The following RET variants were observed in gnomAD, a reference collection of about 807,000 sequenced individuals.
RET encodes ret proto-oncogene.
Under a neutral mutation model 118.3 loss-of-function variants are expected in RET, and 19 were observed. That is an observed-to-expected ratio of 0.16 (90% CI 0.11 to 0.24). The LOEUF (loss-of-function observed/expected upper bound fraction) is 0.24, where lower values mean the gene tolerates loss of function less well. Ranked by LOEUF, RET falls within the 10% of genes least tolerant of loss-of-function variation. RET has a pLI of 1.00. For synonymous variants in RET, 597 were observed against 644.1 expected (o/e 0.93, Z 1.11); for missense variants, 1,219 against 1,502.1 (o/e 0.81, Z 3.12).
At chr10:43,081,011 T>C (rs3026728) in intron 1 of RET, among the ~76,000 whole-genome samples, 1 of 152,056 alleles carries the variant, frequency 6.6e-6, no homozygotes, top group South Asian at 2.1e-4. Flanking sequence ...TGTTTCCTCA[T>C]GCAGGACAGG....
intron 19 of RET, 88 bp from the exon 20 acceptor site, chr10:43,128,024 A>T: frequency 1.4e-6 from 2 of 1,406,672 alleles, no homozygotes; most frequent in South Asian, 2.3e-5. Context: ...TGGTTTGAAC[A>T]TCAAAGGGAG....
At chr10:43,110,742 G>A (rs1837897387) in intron 6 of RET, among the ~76,000 whole-genome samples, 1 of 152,316 alleles carries the variant, frequency 6.6e-6, no homozygotes, top group Admixed American at 6.5e-5. Flanking sequence ...GGACACCAGG[G>A]CAGGGTGGAC....
chr10:43,077,978 C>T (rs1837088267), intron 1 of RET, among the ~76,000 whole-genome samples: 1 of 152,202 alleles, frequency 6.6e-6, no homozygotes, highest in African/African-American at 2.4e-5. Context: ...GCCCTGGAGT[C>T]GTGTGGCGCT....
At chr10:43,107,599 A>ACACACACC (rs1243535587) in intron 5 of RET, among the ~76,000 whole-genome samples, 3 of 145,828 alleles carry the variant, frequency 2.1e-5, no homozygotes, top group African/African-American at 7.7e-5. Context: ...ACACACACAC[A>ACACACACC]CACCCTGTTA....
chr10:43,082,795 C>T (rs1837213567), intron 1 of RET, among the ~76,000 whole-genome samples: 1 of 152,204 alleles, frequency 6.6e-6, no homozygotes, highest in South Asian at 2.1e-4. Context: ...CATGTATTTC[C>T]TAGAATTTAA....
Position 43,126,739 on chromosome 10 carries a change from A to G in RET, c.3187+17A>G, listed in dbSNP as rs1445493326. 6.2e-7 allele frequency: 1 copy of G among 1,613,486 alleles called. No homozygotes were observed. Among genetic ancestry groups the G allele is most frequent in the African/African-American group, 1.3e-5 (1 of 74,992 alleles). On this transcript the variant is annotated intron_variant, in intron 19 of 19. Transcript: ENST00000355710. The stretch of plus-strand genomic sequence containing the variant: ...AACTCTATGGTAGAATTTCCCATGC[A>G]TTTACTAGATTCTAGCACCGCTGTC...
At chr10:43,127,059 T>C in intron 19 of RET, 2 of 1,238,892 alleles carry the variant, frequency 1.6e-6, no homozygotes, top group Non-Finnish European at 2.0e-6. Flanking sequence ...TCATAGTACT[T>C]CTACTTTAAC....
intron 1 of RET, among the ~76,000 whole-genome samples, chr10:43,093,312 C>G (rs1270474794): frequency 6.6e-6 from 1 of 151,692 alleles, no homozygotes; most frequent in African/African-American, 2.4e-5. Flanking sequence ...ACAGGGGTGG[C>G]AGAGGGGACT....
chr10:43,096,224 C>T lies in RET; in HGVS notation c.74-4235C>T, dbSNP rs934049826. On this transcript the variant is annotated intron_variant, in intron 1 of 19. Coordinates refer to ENST00000355710, the MANE Select transcript of RET (RefSeq NM_020975.6). ...AGTGTCTGTCACCAGACGTGGGTCT[C>T]GACCCACGGGCCTGGCCTTGGTCCA... Among the ~76,000 whole-genome samples the T allele has an allele frequency of 6.6e-5, 10 of 152,078 alleles. No homozygotes were observed. The East Asian group carries it at 1.6e-3, about 24-fold the overall frequency.
At chr10:43,120,860 C>T (rs1268294222) in intron 15 of RET, among the ~76,000 whole-genome samples, 2 of 152,124 alleles carry the variant, frequency 1.3e-5, no homozygotes, top group Non-Finnish European at 2.9e-5. Flanking sequence ...AGTGGCAGCC[C>T]AGGCAGGGCA....
At chr10:43,123,954 C>T (rs2133008996) in intron 17 of RET, 146 bp downstream of exon 17, 1 of 1,264,066 alleles carries the variant, frequency 7.9e-7, no homozygotes, top group African/African-American at 1.5e-5. Context: ...GAGAGCCATC[C>T]TTGGGTGTGG....
intron 1 of RET, among the ~76,000 whole-genome samples, chr10:43,081,168 T>A (rs1340742396): frequency 6.8e-6 from 1 of 147,910 alleles, no homozygotes; most frequent in African/African-American, 2.5e-5. Flanking sequence ...CAGGAGCCCC[T>A]CCCCCAGAAG....
Position 43,107,559 on chromosome 10 carries a change from TCACACACACACA to T in RET, c.1063+1020_1063+1031del, listed in dbSNP as rs59876947. ...ATGTAGACCTTTAACCCCCCATGCC[TCACACACACACA>T]CACACACACACACACACACACACAC... On this transcript the variant is annotated intron_variant, in intron 5 of 19. Coordinates refer to ENST00000355710, the MANE Select transcript of RET (RefSeq NM_020975.6). Among the ~76,000 whole-genome samples the T allele has an allele frequency of 7.2e-4, 101 of 140,824 alleles. 2 individuals are homozygous for T. Among genetic ancestry groups the T allele is most frequent in the African/African-American group, 2.4e-3 (92 of 38,018 alleles). 92.4% of individuals were successfully genotyped at this position (140,824 alleles called of 152,430 possible).
intron 1 of RET, among the ~76,000 whole-genome samples, chr10:43,082,955 G>A (rs947198226): frequency 3.9e-5 from 6 of 152,148 alleles, no homozygotes; most frequent in Admixed American, 2.0e-4. Context: ...GCACAGACCC[G>A]GCAGCTGTTG....
chr10:43,117,069 A>G (rs2132914511), intron 12 of RET, among the ~76,000 whole-genome samples: 1 of 152,370 alleles, frequency 6.6e-6, no homozygotes, highest in East Asian at 1.9e-4. Flanking sequence ...GTCTTGGTGA[A>G]GAGACCACCA....
chr10:43,107,602 C>T (rs1281256219), intron 5 of RET, among the ~76,000 whole-genome samples: 1 of 145,904 alleles, frequency 6.9e-6, no homozygotes, highest in Non-Finnish European at 1.5e-5. Flanking sequence ...CACACACACA[C>T]CCTGTTACCC....
At chr10:43,080,836 G>A (rs923699684) in intron 1 of RET, among the ~76,000 whole-genome samples, 1 of 152,252 alleles carries the variant, frequency 6.6e-6, no homozygotes, top group African/African-American at 2.4e-5. Context: ...TGGATGGCAG[G>A]AAGGCATCTT....
At position 43,077,343 on chromosome 10, in the gene RET, C is replaced by T; in HGVS notation, c.73+12C>T. 2.0e-6 allele frequency: 3 copies of T among 1,506,006 alleles called. No homozygotes were observed. Among genetic ancestry groups the T allele is most frequent in the Non-Finnish European group, 2.6e-6 (3 of 1,132,738 alleles). The allele number at this position is 1,506,006 out of a possible 1,614,324, so 93.3% of individuals were successfully genotyped here. A position where few individuals can be genotyped will look rare whatever the true frequency, so the allele number is the denominator to read the frequency against. ...GCTGCTAGGCAAAGGTGAGTTCTGCCGGCCGCCGGCTCCCGCAGGGGCCAG... is the reference window on the plus strand; with the variant it reads ...GCTGCTAGGCAAAGGTGAGTTCTGCTGGCCGCCGGCTCCCGCAGGGGCCAG... On this transcript the variant is annotated intron_variant, in intron 1 of 19. Coordinates refer to ENST00000355710, the MANE Select transcript of RET (RefSeq NM_020975.6).
At chr10:43,116,138 G>A (rs925918625) in intron 11 of RET, among the ~76,000 whole-genome samples, 30 of 152,358 alleles carry the variant, frequency 2.0e-4, no homozygotes, top group African/African-American at 4.1e-4. Flanking sequence ...GAGCGGGTGC[G>A]TGAGGGCCAG....
Sources: gnomAD v4.1 joint callset for allele counts (sites outside exome capture counted in the v4.1 genomes callset) on GRCh38, gnomAD v4.1.1 for gene constraint, MANE v1.5 for transcripts, NCBI Gene and HGNC (gene_info 2026-07-23, HGNC 2026-07-21) for gene names.